CTNNA2: variants seen among roughly 807,000 people sequenced by gnomAD.
CTNNA2 encodes the protein catenin alpha 2, also known as catenin alpha-2.
In CTNNA2, 42 loss-of-function variants were observed where a neutral mutation model predicts 101.0. That is an observed-to-expected ratio of 0.42 (90% CI 0.32 to 0.54). The LOEUF (loss-of-function observed/expected upper bound fraction) is 0.54, where lower values mean the gene tolerates loss of function less well. Ranked by LOEUF, CTNNA2 falls within the 20% of genes least tolerant of loss-of-function variation. The pLI, the probability that CTNNA2 is intolerant of heterozygous loss-of-function variation, is 0.14. For missense variants in CTNNA2, 871 were observed against 1,223.1 expected (o/e 0.71, Z 4.29); for synonymous variants, 450 against 456.4 (o/e 0.99, Z 0.18).
chr2:79,996,056 T>C (rs1386631169), intron 7 of CTNNA2, among the ~76,000 whole-genome samples: 3 of 152,180 alleles, frequency 2.0e-5, no homozygotes, highest in African/African-American at 4.8e-5. Flanking sequence ...TCCAAAAGAC[T>C]CTGGGCCTTG....
intron 7 of CTNNA2, among the ~76,000 whole-genome samples, chr2:80,242,293 T>C (rs1189857673): frequency 6.6e-6 from 1 of 152,230 alleles, no homozygotes; most frequent in Non-Finnish European, 1.5e-5. Flanking sequence ...TAACTCTTGC[T>C]GTTTGCACAA....
intron 7 of CTNNA2, among the ~76,000 whole-genome samples, chr2:80,235,068 T>C (rs931811716): frequency 2.6e-5 from 4 of 152,200 alleles, no homozygotes; most frequent in African/African-American, 7.2e-5. Flanking sequence ...CCAATTCTTA[T>C]GTTTATTAAA....
chr2:79,477,654 G>A (rs575754972), intron 4 of CTNNA2, among the ~76,000 whole-genome samples: 11 of 152,310 alleles, frequency 7.2e-5, no homozygotes, highest in African/African-American at 2.6e-4. Context: ...TGGCCCAGAA[G>A]TCAAGAATCT....
intron 1 of CTNNA2, among the ~76,000 whole-genome samples, chr2:79,533,079 T>G (rs914581951): frequency 1.3e-5 from 2 of 151,958 alleles, no homozygotes; most frequent in African/African-American, 4.8e-5. Context: ...TCATTGAAGT[T>G]CATCTAATAT....
At chr2:79,281,039 G>A (rs4853451) in intron 2 of CTNNA2, among the ~76,000 whole-genome samples, 18,438 of 151,948 alleles carry the variant, frequency 0.12, 1,188 homozygotes, top group Admixed American at 0.14. Flanking sequence ...CCTCTTTGCT[G>A]TCCTACCCCC....
At position 80,302,857 on chromosome 2, in the gene CTNNA2, G is replaced by A. The variant is rs775956407; in HGVS notation, c.1057-90354G>A. ...TGAGCCACGAGGCTAGGGCACACAC[G>A]TTGCGCCCGCAATCCCACAGGTTCC... On this transcript the variant is annotated intron_variant, in intron 7 of 18. Transcript: ENST00000402739. This position sits in a 1 kb window ranked among gnomAD's most constrained non-coding sequence, Gnocchi z 6.4. 3 of 1,614,148 alleles carry A rather than the reference G, an allele frequency of 1.9e-6. No individual in the cohort carries two copies. In the Admixed American group the frequency reaches 5.0e-5, roughly 27 times the overall value.
chr2:79,251,052 T>C (rs751759929), intron 2 of CTNNA2, among the ~76,000 whole-genome samples: 8 of 152,210 alleles, frequency 5.3e-5, no homozygotes, highest in Non-Finnish European at 1.0e-4. Context: ...TGGCACTTCC[T>C]ACAGGTTCTG....
At chr2:79,398,439 C>G (rs1372992261) in intron 4 of CTNNA2, among the ~76,000 whole-genome samples, 2 of 152,144 alleles carry the variant, frequency 1.3e-5, no homozygotes, top group Middle Eastern at 3.4e-3. Flanking sequence ...AGTGTCAAAC[C>G]ACCTGAGTTT....
At chr2:80,057,903 C>G (rs1273359116) in intron 7 of CTNNA2, among the ~76,000 whole-genome samples, 2 of 152,110 alleles carry the variant, frequency 1.3e-5, no homozygotes, top group African/African-American at 4.8e-5. Context: ...GCAGATACCC[C>G]TCTTGCTTTT....
intron 15 of CTNNA2, among the ~76,000 whole-genome samples, chr2:80,591,977 CT>C (rs1696554195): frequency 6.6e-6 from 1 of 151,252 alleles, no homozygotes; most frequent in Non-Finnish European, 1.5e-5. Flanking sequence ...TGAATGCATG[CT>C]TTTCTTTTCA....
At chr2:79,296,669 A>C (rs1389252845) in intron 2 of CTNNA2, among the ~76,000 whole-genome samples, 6 of 152,160 alleles carry the variant, frequency 3.9e-5, no homozygotes, top group Non-Finnish European at 8.8e-5. Flanking sequence ...AGTAAGAAAC[A>C]CATTTATAGA....
intron 4 of CTNNA2, among the ~76,000 whole-genome samples, chr2:79,487,659 T>C (rs1671170604): frequency 6.6e-6 from 1 of 152,084 alleles, no homozygotes; most frequent in African/African-American, 2.4e-5. Flanking sequence ...ATCATGTGAG[T>C]CAGCCATTTA....
At chr2:80,211,225 A>G (rs911311323) in intron 7 of CTNNA2, among the ~76,000 whole-genome samples, 5 of 152,176 alleles carry the variant, frequency 3.3e-5, no homozygotes, top group African/African-American at 9.7e-5. Context: ...GTTTAAATAT[A>G]TCCCATTTGT....
chr2:79,311,120 T>C (rs1166304036), intron 2 of CTNNA2, among the ~76,000 whole-genome samples: 1 of 152,152 alleles, frequency 6.6e-6, no homozygotes, highest in Non-Finnish European at 1.5e-5. Flanking sequence ...ATTACTTAGT[T>C]GGTGATTGGC....
chr2:80,616,869 A>C (rs1698896045), intron 17 of CTNNA2, among the ~76,000 whole-genome samples: 1 of 151,694 alleles, frequency 6.6e-6, no homozygotes, highest in Non-Finnish European at 1.5e-5. Flanking sequence ...TACTAAATTC[A>C]CCTAAGAGGT....
intron 9 of CTNNA2, among the ~76,000 whole-genome samples, chr2:80,486,463 A>G (rs922160379): frequency 1.3e-5 from 2 of 152,222 alleles, no homozygotes; most frequent in African/African-American, 4.8e-5. Context: ...TTCTGATTAT[A>G]TAAGTAGTAC....
intron 7 of CTNNA2, among the ~76,000 whole-genome samples, chr2:80,185,692 C>A (rs1036754548): frequency 2.0e-5 from 3 of 152,054 alleles, no homozygotes; most frequent in Non-Finnish European, 4.4e-5. Context: ...TGTTAAAGAG[C>A]GGCATGTTAA....
At chr2:79,591,791 G>A (rs777839939) in intron 1 of CTNNA2, among the ~76,000 whole-genome samples, 2 of 151,974 alleles carry the variant, frequency 1.3e-5, no homozygotes, top group Admixed American at 6.5e-5. Context: ...TGTGTCTTAC[G>A]TATGAGGAGA....
At chr2:79,989,393 T>C (rs756499786) in intron 7 of CTNNA2, among the ~76,000 whole-genome samples, 2 of 152,112 alleles carry the variant, frequency 1.3e-5, no homozygotes, top group African/African-American at 4.8e-5. Context: ...CAGGCTGTAG[T>C]GGGTGGATCA....
Sources: allele counts gnomAD v4.1 joint callset (sites outside exome capture counted in the v4.1 genomes callset), GRCh38; gene constraint gnomAD v4.1.1; non-coding constraint Gnocchi (gnomAD v3.1); transcripts MANE v1.5; gene names NCBI Gene and HGNC (gene_info 2026-07-23, HGNC 2026-07-21).